Variants in EOGT observed in about 807,000 individuals in gnomAD.
The protein encoded by EOGT is EGF domain-specific O-linked N-acetylglucosamine transferase.
EOGT carries 55 observed loss-of-function variants against 70.5 expected under a neutral mutation model. The observed-to-expected ratio is 0.78, with a 90% CI of 0.63 to 0.98. EOGT has a LOEUF of 0.98. Ranked by LOEUF, EOGT falls within the 50% of genes least tolerant of loss-of-function variation. EOGT has a pLI of 0.00. For missense variants in EOGT, 703 were observed against 641.9 expected (o/e 1.10, Z -1.03); for synonymous variants, 246 against 217.1 (o/e 1.13, Z -1.17).
intron 14 of EOGT, among the ~76,000 whole-genome samples, chr3:68,986,936 G>C (rs1016524834): frequency 6.6e-6 from 1 of 152,178 alleles, no homozygotes; most frequent in Non-Finnish European, 1.5e-5. Flanking sequence ...TGATGTTGTA[G>C]GTAGTGGCCT....
intron 10 of EOGT, among the ~76,000 whole-genome samples, chr3:68,992,522 C>T (rs1168127880): frequency 1.3e-5 from 2 of 152,216 alleles, no homozygotes; most frequent in Non-Finnish European, 2.9e-5. Context: ...TTGCAGGGTA[C>T]AGCCTCCCTT....
chr3:69,006,029 G>C (rs2091431793), intron 6 of EOGT, among the ~76,000 whole-genome samples: 1 of 152,150 alleles, frequency 6.6e-6, no homozygotes, highest in Admixed American at 6.5e-5. Flanking sequence ...CCCCCAATGT[G>C]ATGATATTGT....
At chr3:68,986,368 C>A (rs1271465103) in intron 14 of EOGT, among the ~76,000 whole-genome samples, 1 of 152,130 alleles carries the variant, frequency 6.6e-6, no homozygotes, top group Non-Finnish European at 1.5e-5. Context: ...ATTCTACCAA[C>A]AACGCCCTGC....
At chr3:68,987,549 TATGCCTGGGTAGATGA>T (rs778595083) in intron 13 of EOGT, 36 bp from the exon 14 acceptor site, 14 of 1,492,912 alleles carry the variant, frequency 9.4e-6, no homozygotes, top group Non-Finnish European at 1.3e-5. Context: ...TAACACTGCA[TATGCCTGGGTAGATGA>T]ATGAACATCT....
Position 68,982,891 on chromosome 3 carries a change from C to T in EOGT, c.1153-19G>A, listed in dbSNP as rs369080389. The stretch of plus-strand genomic sequence containing the variant: ...TTACAAGCTGGGAAAAAAAGAGAAA[C>T]ATTTAGCATTTCTTTTCCTTCTTTC... On this transcript the variant is annotated intron_variant, in intron 14 of 17. Coordinates refer to ENST00000383701, the MANE Select transcript of EOGT (RefSeq NM_001278689.2). The T allele has an allele frequency of 6.3e-7, 1 of 1,584,674 alleles. No homozygotes were observed. Among genetic ancestry groups the T allele is most frequent in the Non-Finnish European group, 8.6e-7 (1 of 1,164,136 alleles).
chr3:68,990,175 A>T (rs2090949856), intron 10 of EOGT, among the ~76,000 whole-genome samples: 1 of 152,070 alleles, frequency 6.6e-6, no homozygotes, highest in Non-Finnish European at 1.5e-5. Context: ...AGTTGATAAT[A>T]TCATTTTCTC....
intron 17 of EOGT, 42 bp from the exon 18 acceptor site, chr3:68,977,806 G>T: frequency 1.3e-6 from 2 of 1,571,400 alleles, no homozygotes; most frequent in South Asian, 2.4e-5. Context: ...ACTCAATGAG[G>T]GCATGGTTTT....
chr3:69,009,431 T>C (rs981697089), intron 4 of EOGT, among the ~76,000 whole-genome samples: 2 of 152,206 alleles, frequency 1.3e-5, no homozygotes, highest in Non-Finnish European at 2.9e-5. Context: ...TTAGAAGTGA[T>C]TTAGATTTTA....
In EOGT at chr3:68,976,411, A is replaced by G. The variant is rs2090473457; in HGVS notation, c.*1207T>C. On this transcript the variant is annotated 3_prime_UTR_variant, in exon 18 of 18. Transcript: ENST00000383701. ...TGCTCTCCATGGCTAAGAAGGAATC[A>G]GTGGAAACCAGACAGAAGGTATGCA... 6.6e-6 allele frequency: 1 copy of G among 152,258 alleles called. No homozygotes were observed. The highest frequency in any genetic ancestry group is 2.4e-5 in the African/African-American group (1 of 41,468). The allele number at this position is 152,258 out of a possible 1,614,324, so 9.4% of individuals were successfully genotyped here.
chr3:68,990,139 A>G (rs2090948685), intron 10 of EOGT, among the ~76,000 whole-genome samples: 1 of 152,064 alleles, frequency 6.6e-6, no homozygotes, highest in Non-Finnish European at 1.5e-5. Flanking sequence ...TTATTAATGT[A>G]CATTAAGCCA....
chr3:68,992,332 C>T (rs2091016535), intron 10 of EOGT, among the ~76,000 whole-genome samples: 1 of 152,158 alleles, frequency 6.6e-6, no homozygotes, highest in African/African-American at 2.4e-5. Flanking sequence ...ACAGCCGTTC[C>T]AAATGGGAGA....
In EOGT at chr3:69,009,713, TC is replaced by T; in HGVS notation, c.133del (p.Glu45SerfsTer29). The part of the protein sequence containing the change: ...YNYASIRLPE[E>X]HIPFFLHNNR... Reference sequence around the variant, plus strand: ...GTTGTGCAAAAAGAAGGGAATGTGCTCCTCTGGCAAGCGGATGCTGGCATAG... The same window carrying T: ...GTTGTGCAAAAAGAAGGGAATGTGCTCTCTGGCAAGCGGATGCTGGCATAG... On this transcript the variant is annotated frameshift_variant, in exon 4 of 18. Transcript: ENST00000383701. LOFTEE classifies it high-confidence loss of function. The T allele has an allele frequency of 6.2e-7, 1 of 1,614,060 alleles. No homozygotes were observed. Among genetic ancestry groups the T allele is most frequent in the South Asian group, 1.1e-5 (1 of 91,090 alleles).
intron 10 of EOGT, among the ~76,000 whole-genome samples, chr3:68,989,432 C>T (rs986349155): frequency 2.0e-5 from 3 of 151,856 alleles, no homozygotes; most frequent in African/African-American, 7.3e-5. Context: ...AAAAAAATTT[C>T]AGAGCAAGAA....
At chr3:68,983,488 A>G (rs187698455) in intron 14 of EOGT, among the ~76,000 whole-genome samples, 232 of 152,354 alleles carry the variant, frequency 1.5e-3, no homozygotes, top group African/African-American at 5.3e-3. Context: ...TCTGTCCCTC[A>G]CAATTAGGCC....
At chr3:68,996,388 G>A (rs558066436) in intron 10 of EOGT, among the ~76,000 whole-genome samples, 5 of 152,226 alleles carry the variant, frequency 3.3e-5, no homozygotes, top group South Asian at 2.1e-4. Flanking sequence ...TAGCTAAGTC[G>A]GCTCTCTGCA....
intron 10 of EOGT, among the ~76,000 whole-genome samples, chr3:68,991,882 T>G (rs6549167): frequency 6.6e-6 from 1 of 152,082 alleles, no homozygotes; most frequent in African/African-American, 2.4e-5. Context: ...ACTTCTTACA[T>G]GGCAGCGGCA....
chr3:68,981,490 T>C (rs747991397), intron 15 of EOGT, among the ~76,000 whole-genome samples: 2 of 152,246 alleles, frequency 1.3e-5, no homozygotes, highest in Non-Finnish European at 2.9e-5. Flanking sequence ...GAAACACAGC[T>C]GTGACTGTAG....
At chr3:68,998,759 C>T (rs1001352442) in intron 9 of EOGT, among the ~76,000 whole-genome samples, 1 of 149,716 alleles carries the variant, frequency 6.7e-6, no homozygotes. Flanking sequence ...TTTGCTTGAA[C>T]CTGGGAGGTG....
rs1428953183 is a variant in EOGT, at chr3:68,977,737, G to C, written c.1465C>G (p.Pro489Ala). The C allele has an allele frequency of 6.2e-7, 1 of 1,613,116 alleles. No individual in the cohort carries two copies. The highest frequency in any genetic ancestry group is 8.5e-7 in the Non-Finnish European group (1 of 1,179,654). The part of the protein sequence containing the change: ...KGHHPTLGEH[P>A]KFTNYSFDVE... ...TCGAAAGAGTAGTTGGTGAACTTCG[G>C]GTGCTCCCCCAGGGTTGGATGGTGG... The change falls in exon 18 of 18, where the codon CCG (proline) becomes GCG (alanine). Residue 489 changes from proline (P) to alanine (A), a missense_variant. Physicochemically the swap from Pro to Ala is conservative, Grantham distance 27 (BLOSUM62 -1). Transcript: ENST00000383701.
Sources: allele counts gnomAD v4.1 joint callset (sites outside exome capture counted in the v4.1 genomes callset), GRCh38; gene constraint gnomAD v4.1.1; transcripts MANE v1.5; gene names NCBI Gene and HGNC (gene_info 2026-07-23, HGNC 2026-07-21).